The following TBC1D1 variants were observed in gnomAD, a reference collection of about 807,000 sequenced individuals.
TBC1D1 encodes TBC1 domain family member 1.
A neutral mutation model predicts 125.6 loss-of-function variants in TBC1D1; 89 were observed. The ratio of observed to expected loss-of-function variants is 0.71; its 90% CI spans 0.60 to 0.85. The LOEUF (loss-of-function observed/expected upper bound fraction) is 0.85. Ranked by LOEUF, TBC1D1 falls within the 40% of genes least tolerant of loss-of-function variation. The probability of loss-of-function intolerance (pLI) is 0.00; values close to 1 mark genes in which losing one functional copy is unlikely to be tolerated. For missense variants in TBC1D1, 1,377 were observed against 1,469.2 expected, an observed-to-expected ratio of 0.94 and a Z score of 1.03; for synonymous variants, 565 against 564.1, an observed-to-expected ratio of 1.00 and a Z score of -0.02.
intron 2 of TBC1D1, among the ~76,000 whole-genome samples, chr4:37,962,788 C>G (rs1397382211): frequency 6.6e-6 from 1 of 152,002 alleles, no homozygotes; most frequent in Non-Finnish European, 1.5e-5. Context: ...AATAAGAAGT[C>G]AAATTCTAAA....
At chr4:38,085,761 C>T (rs1008918083) in intron 12 of TBC1D1, among the ~76,000 whole-genome samples, 8 of 152,192 alleles carry the variant, frequency 5.3e-5, no homozygotes, top group Admixed American at 5.2e-4. Flanking sequence ...CATTGCATCG[C>T]TGCATACATG....
At chr4:37,978,662 T>TA (rs930692620) in intron 2 of TBC1D1, among the ~76,000 whole-genome samples, 15 of 152,258 alleles carry the variant, frequency 9.9e-5, no homozygotes, top group African/African-American at 3.6e-4. Flanking sequence ...TCTTACTAGG[T>TA]AAATAACATT....
At chr4:37,896,470 G>A (rs1240832609) in intron 1 of TBC1D1, among the ~76,000 whole-genome samples, 1 of 152,154 alleles carries the variant, frequency 6.6e-6, no homozygotes, top group East Asian at 1.9e-4. Context: ...GAAGAAGGGA[G>A]CAGCTTTCCA....
At chr4:37,914,027 T>C (rs1719191221) in intron 2 of TBC1D1, among the ~76,000 whole-genome samples, 1 of 152,192 alleles carries the variant, frequency 6.6e-6, no homozygotes, top group African/African-American at 2.4e-5. Flanking sequence ...CCTTCAACTT[T>C]CTAGTAGTCT....
chr4:38,017,881 T>C (rs970982749), intron 3 of TBC1D1, among the ~76,000 whole-genome samples: 3 of 152,234 alleles, frequency 2.0e-5, no homozygotes, highest in East Asian at 1.9e-4. Flanking sequence ...AGGATTGTAA[T>C]TGATGCTCAT....
chr4:37,933,419 A>G (rs1239551117), intron 2 of TBC1D1, among the ~76,000 whole-genome samples: 1 of 143,020 alleles, frequency 7.0e-6, no homozygotes, highest in Non-Finnish European at 1.5e-5. Context: ...CTATATGTAT[A>G]CACACATATG....
intron 1 of TBC1D1, among the ~76,000 whole-genome samples, chr4:37,896,071 T>C (rs562074837): frequency 1.3e-5 from 2 of 152,342 alleles, no homozygotes; most frequent in African/African-American, 2.4e-5. Flanking sequence ...AATTAAACCA[T>C]TGATTCACAG....
intron 18 of TBC1D1, among the ~76,000 whole-genome samples, chr4:38,130,300 A>G (rs961469508): frequency 6.6e-6 from 1 of 152,260 alleles, no homozygotes; most frequent in African/African-American, 2.4e-5. Context: ...GGAAATAGGA[A>G]ATATAGCTAG....
intron 2 of TBC1D1, among the ~76,000 whole-genome samples, chr4:37,934,878 A>T (rs1325921261): frequency 6.6e-6 from 1 of 152,110 alleles, no homozygotes; most frequent in Non-Finnish European, 1.5e-5. Flanking sequence ...GGCTTTAACT[A>T]CATGTTCACT....
At chr4:38,109,884 A>T (rs1761947186) in intron 15 of TBC1D1, among the ~76,000 whole-genome samples, 1 of 152,224 alleles carries the variant, frequency 6.6e-6, no homozygotes, top group African/African-American at 2.4e-5. Context: ...CAATGTGAGA[A>T]GATGTTAGTA....
chr4:38,123,505 G>C (rs1438755381), intron 17 of TBC1D1, among the ~76,000 whole-genome samples: 2 of 152,158 alleles, frequency 1.3e-5, no homozygotes, highest in Non-Finnish European at 1.5e-5. Flanking sequence ...GGCCTGCCTT[G>C]GTGTATGTAA....
At chr4:37,990,745 A>G (rs1177845711) in intron 2 of TBC1D1, among the ~76,000 whole-genome samples, 1 of 152,178 alleles carries the variant, frequency 6.6e-6, no homozygotes, top group African/African-American at 2.4e-5. Flanking sequence ...GTGTAACTGA[A>G]AGAACATCGT....
At chr4:38,113,994 A>G (rs1397081023) in intron 15 of TBC1D1, among the ~76,000 whole-genome samples, 2 of 152,094 alleles carry the variant, frequency 1.3e-5, no homozygotes, top group South Asian at 2.1e-4. Context: ...TACATCCTGC[A>G]TGGGGGTCAC....
chr4:38,072,963 G>A (rs756761693), intron 12 of TBC1D1, among the ~76,000 whole-genome samples: 73 of 151,560 alleles, frequency 4.8e-4, no homozygotes, highest in Admixed American at 1.8e-3. Flanking sequence ...TTTTTTTTCC[G>A]CCTTTTTTTT....
intron 2 of TBC1D1, among the ~76,000 whole-genome samples, chr4:37,925,451 C>A (rs188624317): frequency 1.3e-5 from 2 of 152,216 alleles, no homozygotes; most frequent in Non-Finnish European, 2.9e-5. Flanking sequence ...GTTGTGGTGG[C>A]TTACGCCTGT....
chr4:37,915,379 T>C lies in TBC1D1; in HGVS notation c.417+12867T>C, dbSNP rs561817681. On this transcript the variant is annotated intron_variant, in intron 2 of 19. Coordinates refer to ENST00000261439, the MANE Select transcript of TBC1D1 (RefSeq NM_015173.4). ...ATACCCAGGTAAGCCAGTGGTGTAG[T>C]TCAAACGCCTGAGAGCTGGAGAGCT... Among the ~76,000 whole-genome samples the C allele has an allele frequency of 1.4e-4, 21 of 152,224 alleles. No homozygotes were observed. The South Asian group carries it at 4.4e-3, about 32-fold the overall frequency.
Position 38,104,762 on chromosome 4 carries a change from A to AT in TBC1D1, c.2557+1616dup, listed in dbSNP as rs1230416700. Among the ~76,000 whole-genome samples, 108 of 140,692 alleles carry AT rather than the reference A, an allele frequency of 7.7e-4. 1 individual carries two copies. The highest frequency in any genetic ancestry group is 4.9e-3 in the South Asian group (21 of 4,260). The allele number at this position is 140,692 out of a possible 152,430, so 92.3% of individuals were successfully genotyped here. On this transcript the variant is annotated intron_variant, in intron 15 of 19. Coordinates refer to ENST00000261439, the MANE Select transcript of TBC1D1 (RefSeq NM_015173.4). ...ACCCTTAAGGTTATTTTTTTTTTTAATTTTTTTTTTTGAGACGGTGTCTCG... is the reference window on the plus strand; with the variant it reads ...ACCCTTAAGGTTATTTTTTTTTTTAATTTTTTTTTTTTGAGACGGTGTCTCG...
At chr4:37,943,673 T>G (rs192552711) in intron 2 of TBC1D1, among the ~76,000 whole-genome samples, 11 of 152,368 alleles carry the variant, frequency 7.2e-5, no homozygotes, top group Middle Eastern at 3.4e-3. Context: ...CATGCCATAG[T>G]TTTCAGCTCC....
At chr4:37,912,214 T>C (rs182619102) in intron 2 of TBC1D1, among the ~76,000 whole-genome samples, 2 of 152,344 alleles carry the variant, frequency 1.3e-5, no homozygotes, top group East Asian at 3.9e-4. Context: ...TAGCTGTTCA[T>C]CGTAGATGTA....
Sources: gnomAD v4.1 joint callset for allele counts (sites outside exome capture counted in the v4.1 genomes callset) on GRCh38, gnomAD v4.1.1 for gene constraint, MANE v1.5 for transcripts, NCBI Gene and HGNC (gene_info 2026-07-23, HGNC 2026-07-21) for gene names.